MTFR1: variants seen among roughly 807,000 people sequenced by gnomAD.
MTFR1 encodes mitochondrial fission regulator 1.
A neutral mutation model predicts 38.8 loss-of-function variants in MTFR1; 28 were observed. That is an observed-to-expected ratio of 0.72 (90% confidence interval 0.53 to 0.99). MTFR1 has a LOEUF of 0.99. MTFR1 is among the 50% of genes least tolerant of loss of function. The pLI is 0.00. For synonymous variants in MTFR1, 145 were observed against 137.0 expected, an observed-to-expected ratio of 1.06 and a Z score of -0.41; for missense variants, 358 against 395.5, an observed-to-expected ratio of 0.91 and a Z score of 0.81.
chr8:65,676,109 A>G (rs903857665), intron 2 of MTFR1, among the ~76,000 whole-genome samples: 1 of 152,208 alleles, frequency 6.6e-6, no homozygotes, highest in African/African-American at 2.4e-5. Context: ...GGATTTAAAA[A>G]TTGTTACAGA....
chr8:65,760,656 T>A (rs960278345), intron 3 of MTFR1, among the ~76,000 whole-genome samples: 1 of 152,182 alleles, frequency 6.6e-6, no homozygotes, highest in African/African-American at 2.4e-5. Flanking sequence ...TTTAAGACTG[T>A]TGGAAATTTT....
chr8:65,688,802 T>C (rs1805180902), intron 3 of MTFR1, among the ~76,000 whole-genome samples: 1 of 152,112 alleles, frequency 6.6e-6, no homozygotes, highest in Admixed American at 6.5e-5. Context: ...ATTAAATCTA[T>C]GTAGGTAAAA....
chr8:65,662,243 G>A (rs1301390726), intron 1 of MTFR1, among the ~76,000 whole-genome samples: 4 of 152,096 alleles, frequency 2.6e-5, no homozygotes, highest in Non-Finnish European at 5.9e-5. Flanking sequence ...GATTGCAGGC[G>A]CGCGCCGCCA....
At chr8:65,748,966 C>T (rs1282594229) in intron 3 of MTFR1, among the ~76,000 whole-genome samples, 2 of 152,182 alleles carry the variant, frequency 1.3e-5, no homozygotes, top group Non-Finnish European at 2.9e-5. Context: ...TTTCATGGCT[C>T]TTCATCATCT....
At chr8:65,730,171 CTTTTTTT>C (rs1179431555) in intron 3 of MTFR1, among the ~76,000 whole-genome samples, 44 of 86,446 alleles carry the variant, frequency 5.1e-4, no homozygotes, top group South Asian at 1.9e-3. Flanking sequence ...TTGCGCACTT[CTTTTTTT>C]TTTTTTTTTT....
intron 3 of MTFR1, among the ~76,000 whole-genome samples, chr8:65,740,352 C>T (rs1164623944): frequency 3.9e-5 from 6 of 152,102 alleles, no homozygotes; most frequent in African/African-American, 1.4e-4. Flanking sequence ...TCCACCCCCT[C>T]ATTCTCCACA....
chr8:65,766,551 C>T (rs1480345318), intron 3 of MTFR1, among the ~76,000 whole-genome samples: 1 of 152,176 alleles, frequency 6.6e-6, no homozygotes, highest in Non-Finnish European at 1.5e-5. Context: ...TGTTAGAACA[C>T]GTAGAAAGCT....
chr8:65,758,918 T>C (rs1808360431), intron 3 of MTFR1, among the ~76,000 whole-genome samples: 1 of 152,140 alleles, frequency 6.6e-6, no homozygotes, highest in Admixed American at 6.5e-5. Flanking sequence ...GTTCCTACCA[T>C]GGAATCTGTC....
chr8:65,694,072 C>CT (rs773434384), intron 4 of MTFR1, among the ~76,000 whole-genome samples: 15,288 of 109,638 alleles, frequency 0.14, 1,194 homozygotes, highest in Middle Eastern at 0.22. Context: ...CTGGCTAATT[C>CT]TTTTTTTTTT....
At chr8:65,769,835 G>A (rs1808991281) in intron 3 of MTFR1, among the ~76,000 whole-genome samples, 1 of 152,164 alleles carries the variant, frequency 6.6e-6, no homozygotes, top group African/African-American at 2.4e-5. Flanking sequence ...AGTGGAGATT[G>A]CAATGAGCCA....
At chr8:65,759,795 G>C (rs903479115) in intron 3 of MTFR1, among the ~76,000 whole-genome samples, 11 of 152,028 alleles carry the variant, frequency 7.2e-5, no homozygotes, top group African/African-American at 2.7e-4. Flanking sequence ...AATGGGGAAA[G>C]GTTGCATGTG....
chr8:65,682,573 A>G (rs1028665882), intron 3 of MTFR1, 122 bp downstream of exon 3: 1 of 592,280 alleles, frequency 1.7e-6, no homozygotes, highest in Non-Finnish European at 2.3e-6. Context: ...CACTATCAAT[A>G]CAATAGAAGA....
At chr8:65,773,832 T>G (rs573095948), downstream of MTFR1, among the ~76,000 whole-genome samples, 1 of 152,304 alleles carries the variant, frequency 6.6e-6, no homozygotes, top group East Asian at 1.9e-4. Flanking sequence ...ATGCCCCCTA[T>G]TTAAAACTTC....
In MTFR1 at chr8:65,669,932, T is replaced by A; in HGVS notation, c.-21T>A. The A allele has an allele frequency of 6.2e-7, 1 of 1,601,882 alleles. No homozygotes were observed. The highest frequency in any genetic ancestry group is 8.5e-7 in the Non-Finnish European group (1 of 1,176,762). ...TGAAGAAGTACTTGAAATGCAAATT[T>A]GGGGAGACTTTGCCATATAAATGCT... On this transcript the variant is annotated 5_prime_UTR_variant, in exon 2 of 8. Transcript: ENST00000262146.
rs979167202 is a variant in MTFR1, at chr8:65,704,614, C to T, written c.282-80C>T. On this transcript the variant is annotated intron_variant, in intron 4 of 7. Transcript: ENST00000262146. The stretch of plus-strand genomic sequence containing the variant: ...GAAAAGAGGTTCTTGGGTGTTAATG[C>T]GGATACACTGTCAGGTGAGGATGGT... 2.4e-5 allele frequency: 28 copies of T among 1,149,036 alleles called. No homozygotes were observed. The African/African-American group carries it at 2.8e-4, about 11-fold the overall frequency. 71.2% of individuals were successfully genotyped at this position (1,149,036 alleles called of 1,614,324 possible).
chr8:65,687,875 G>A (rs1490336032), intron 3 of MTFR1, among the ~76,000 whole-genome samples: 2 of 151,966 alleles, frequency 1.3e-5, no homozygotes, highest in Non-Finnish European at 2.9e-5. Flanking sequence ...CAAGGCAGGT[G>A]AATCACCTGA....
downstream of MTFR1, among the ~76,000 whole-genome samples, chr8:65,774,949 A>G (rs1809214708): frequency 6.6e-6 from 1 of 152,218 alleles, no homozygotes; most frequent in Non-Finnish European, 1.5e-5. Context: ...TAGTATTACG[A>G]TGAAAATAGT....
At chr8:65,664,633 A>T (rs72666525) in intron 1 of MTFR1, among the ~76,000 whole-genome samples, 3 of 133,742 alleles carry the variant, frequency 2.2e-5, no homozygotes, top group Admixed American at 8.1e-5. Flanking sequence ...TTTTTTCTCC[A>T]TCTCCCAGGC....
chr8:65,673,323 C>T (rs942586099), intron 2 of MTFR1, among the ~76,000 whole-genome samples: 10 of 151,722 alleles, frequency 6.6e-5, no homozygotes, highest in Non-Finnish European at 1.3e-4. Flanking sequence ...GTTCATGGCA[C>T]CCCAAAACAA....
Sources: allele counts gnomAD v4.1 joint callset (sites outside exome capture counted in the v4.1 genomes callset), GRCh38; gene constraint gnomAD v4.1.1; transcripts MANE v1.5; gene names NCBI Gene and HGNC (gene_info 2026-07-23, HGNC 2026-07-21).